Variants in LRRC3B observed in about 807,000 individuals in gnomAD.
LRRC3B encodes the protein leucine-rich repeat-containing protein 3B.
A neutral mutation model predicts 12.8 loss-of-function variants in LRRC3B; 2 were observed. The ratio of observed to expected loss-of-function variants is 0.16; its 90% CI spans 0.06 to 0.49. LRRC3B has a LOEUF of 0.49. LRRC3B is among the 20% of genes least tolerant of loss of function. LRRC3B has a pLI of 0.96. For synonymous variants in LRRC3B, 132 were observed against 122.0 expected, an observed-to-expected ratio of 1.08 and a Z score of -0.54; for missense variants, 189 against 319.4, an observed-to-expected ratio of 0.59 and a Z score of 3.11.
At chr3:26,695,232 T>TA (rs1432458038) in intron 1 of LRRC3B, among the ~76,000 whole-genome samples, 1 of 152,178 alleles carries the variant, frequency 6.6e-6, no homozygotes, top group Non-Finnish European at 1.5e-5. Context: ...CTATTATTTT[T>TA]TAAAAAATAC....
At chr3:26,655,305 C>T (rs1250882055) in intron 1 of LRRC3B, among the ~76,000 whole-genome samples, 1 of 152,152 alleles carries the variant, frequency 6.6e-6, no homozygotes, top group Admixed American at 6.5e-5. Context: ...ATGACCCTAT[C>T]ATTAAAGCCA....
chr3:26,628,137 G>T (rs1223740235), intron 1 of LRRC3B, among the ~76,000 whole-genome samples: 1 of 152,154 alleles, frequency 6.6e-6, no homozygotes, highest in Admixed American at 6.5e-5. Context: ...AGATTCTTTG[G>T]GGTGTACCTT....
chr3:26,630,860 A>G (rs535137373), intron 1 of LRRC3B, among the ~76,000 whole-genome samples: 1 of 152,288 alleles, frequency 6.6e-6, no homozygotes, highest in South Asian at 2.1e-4. Flanking sequence ...CACTTTGGAG[A>G]ATGAAAGGGC....
intron 1 of LRRC3B, among the ~76,000 whole-genome samples, chr3:26,664,049 G>A (rs1387298329): frequency 6.6e-6 from 1 of 152,058 alleles, no homozygotes; most frequent in Non-Finnish European, 1.5e-5. Context: ...CTACTTAGAA[G>A]GACATAGAAG....
intron 1 of LRRC3B, among the ~76,000 whole-genome samples, chr3:26,675,909 T>C (rs922522748): frequency 6.6e-6 from 1 of 151,940 alleles, no homozygotes; most frequent in Non-Finnish European, 1.5e-5. Flanking sequence ...TAAAATAAAA[T>C]GTGGGAATCT....
chr3:26,710,328 C>T (rs867290980), exon 2 of LRRC3B: 1 of 1,613,990 alleles, frequency 6.2e-7, no homozygotes, highest in African/African-American at 1.3e-5. Flanking sequence ...ATGGTGATCT[C>T]ATATGTGGTA....
chr3:26,629,653 C>T (rs575165919), intron 1 of LRRC3B, among the ~76,000 whole-genome samples: 1 of 152,186 alleles, frequency 6.6e-6, no homozygotes, highest in Non-Finnish European at 1.5e-5. Context: ...TTCACCCTTT[C>T]CACAATTATA....
chr3:26,640,912 A>G (rs1432958086), intron 1 of LRRC3B, among the ~76,000 whole-genome samples: 1 of 152,194 alleles, frequency 6.6e-6, no homozygotes, highest in Non-Finnish European at 1.5e-5. Flanking sequence ...ACACCTGGAG[A>G]CTTCATATGA....
intron 1 of LRRC3B, among the ~76,000 whole-genome samples, chr3:26,687,940 G>C (rs940811834): frequency 2.0e-5 from 3 of 152,162 alleles, no homozygotes; most frequent in Non-Finnish European, 2.9e-5. Flanking sequence ...CACCAAACAA[G>C]GAGATGCTTC....
intron 1 of LRRC3B, among the ~76,000 whole-genome samples, chr3:26,707,359 C>A (rs1157404534): frequency 6.6e-6 from 1 of 151,884 alleles, no homozygotes; most frequent in Non-Finnish European, 1.5e-5. Flanking sequence ...GAGCAAGATT[C>A]CATCTCAAAA....
chr3:26,693,492 G>A (rs1339759311), intron 1 of LRRC3B, among the ~76,000 whole-genome samples: 5 of 152,126 alleles, frequency 3.3e-5, no homozygotes, highest in Non-Finnish European at 7.4e-5. Flanking sequence ...GGCTCAACCT[G>A]TTAATTTAAG....
intron 1 of LRRC3B, among the ~76,000 whole-genome samples, chr3:26,671,373 TAGAGAGAGAGAGAG>T (rs1195473054): frequency 1.1e-4 from 3 of 28,258 alleles, no homozygotes; most frequent in African/African-American, 1.5e-4. Flanking sequence ...TATATATATA[TAGAGAGAGAGAGAG>T]AGAGAGAGAG....
At chr3:26,684,872 T>G (rs1051976320) in intron 1 of LRRC3B, among the ~76,000 whole-genome samples, 53 of 152,354 alleles carry the variant, frequency 3.5e-4, no homozygotes, top group Admixed American at 3.9e-4. Context: ...AGTTCACCAG[T>G]AGCAGATCTC....
At chr3:26,692,863 T>G (rs1700219641) in intron 1 of LRRC3B, among the ~76,000 whole-genome samples, 1 of 152,224 alleles carries the variant, frequency 6.6e-6, no homozygotes, top group South Asian at 2.1e-4. Context: ...TATGGTCAGC[T>G]GCAGATCAAG....
Position 26,671,346 on chromosome 3 carries a change from G to GTATATATATATATATATA in LRRC3B, c.-160-38166_-160-38165insATATATATATATATATAT, listed in dbSNP as rs1186942021. ...ATCTTATAAATGTGTGTGTATATAT[G>GTATATATATATATATATA]TGTGTATATATATATATATATATAT... On this transcript the variant is annotated intron_variant, in intron 1 of 1. Transcript: ENST00000396641. 6.5e-3 allele frequency among the ~76,000 whole-genome samples: 363 copies of GTATATATATATATATATA among 56,262 alleles called. 53 individuals carry two copies. The highest frequency in any genetic ancestry group is 0.039 in the African/African-American group (346 of 8,782). The allele number at this position is 56,262 out of a possible 152,430, so 36.9% of individuals were successfully genotyped here. A position where few individuals can be genotyped will look rare whatever the true frequency, so the allele number is the denominator to read the frequency against.
chr3:26,698,119 AGTGGTGGTG>A (rs951173774), intron 1 of LRRC3B, among the ~76,000 whole-genome samples: 4 of 151,860 alleles, frequency 2.6e-5, no homozygotes, highest in East Asian at 1.9e-4. Flanking sequence ...TGATGATGAT[AGTGGTGGTG>A]GTGGTGGTGG....
intron 1 of LRRC3B, among the ~76,000 whole-genome samples, chr3:26,645,576 A>G (rs1455887291): frequency 6.6e-6 from 1 of 152,054 alleles, no homozygotes; most frequent in Non-Finnish European, 1.5e-5. Flanking sequence ...ATATATACAC[A>G]TGTATAATTT....
intron 1 of LRRC3B, among the ~76,000 whole-genome samples, chr3:26,642,910 G>A (rs546372734): frequency 4.6e-5 from 7 of 151,854 alleles, no homozygotes; most frequent in African/African-American, 1.7e-4. Flanking sequence ...CCAGCTATTC[G>A]GGAGGCTGAG....
At chr3:26,647,134 C>G (rs1170943442) in intron 1 of LRRC3B, among the ~76,000 whole-genome samples, 1 of 152,116 alleles carries the variant, frequency 6.6e-6, no homozygotes, top group Non-Finnish European at 1.5e-5. Flanking sequence ...ATGCATTCCT[C>G]CCTCCAATCA....
Sources: gnomAD v4.1 joint callset for allele counts (sites outside exome capture counted in the v4.1 genomes callset) on GRCh38, gnomAD v4.1.1 for gene constraint, MANE v1.5 for transcripts, NCBI Gene and HGNC (gene_info 2026-07-23, HGNC 2026-07-21) for gene names.